Variants in GALNT10 observed in about 807,000 individuals in gnomAD.
GALNT10 encodes the protein GalNAc transferase 10.
A neutral mutation model predicts 75.0 loss-of-function variants in GALNT10; 41 were observed. The observed-to-expected ratio is 0.55, with a 90% CI of 0.43 to 0.71. GALNT10 has a LOEUF of 0.71. GALNT10 is among the 30% of genes least tolerant of loss of function. GALNT10 has a pLI of 0.00. For synonymous variants in GALNT10, 302 were observed against 313.0 expected, an observed-to-expected ratio of 0.96 and a Z score of 0.37; for missense variants, 727 against 818.5, an observed-to-expected ratio of 0.89 and a Z score of 1.36.
intron 1 of GALNT10, among the ~76,000 whole-genome samples, chr5:154,196,762 G>A (rs140381631): frequency 8.5e-4 from 129 of 152,260 alleles, no homozygotes; most frequent in Admixed American, 2.3e-3. Flanking sequence ...TGAACCATTC[G>A]CAGATTTCAG....
At chr5:154,210,376 A>G (rs920369029) in intron 1 of GALNT10, among the ~76,000 whole-genome samples, 38 of 122,684 alleles carry the variant, frequency 3.1e-4, no homozygotes, top group Admixed American at 2.9e-4. Flanking sequence ...GCATGCACAC[A>G]CACATGCATA....
intron 1 of GALNT10, among the ~76,000 whole-genome samples, chr5:154,201,746 T>C (rs1775031374): frequency 6.6e-6 from 1 of 151,960 alleles, no homozygotes; most frequent in Admixed American, 6.6e-5. Flanking sequence ...CTGGCCAACA[T>C]GGTAAAACCC....
At chr5:154,329,813 C>A in intron 4 of GALNT10, 75 bp downstream of exon 4, 1 of 1,051,322 alleles carries the variant, frequency 9.5e-7, no homozygotes. Flanking sequence ...GCAGGTTTTC[C>A]CTTCTTTAGC....
chr5:154,204,240 T>C lies in GALNT10; in HGVS notation c.159+13215T>C, dbSNP rs141646573. Reference sequence around the variant, plus strand: ...TAAGGATCCCTCCAGCTTTTGATACTCAGTGAGGCCCTGAATTCTCTGCTG... The same window carrying C: ...TAAGGATCCCTCCAGCTTTTGATACCCAGTGAGGCCCTGAATTCTCTGCTG... On this transcript the variant is annotated intron_variant, in intron 1 of 11. Transcript: ENST00000297107. 1.0e-3 allele frequency among the ~76,000 whole-genome samples: 158 copies of C among 152,298 alleles called. 1 individual carries two copies. The highest frequency in any genetic ancestry group is 3.6e-3 in the African/African-American group (151 of 41,572).
At chr5:154,369,200 C>T (rs1003397460) in intron 4 of GALNT10, among the ~76,000 whole-genome samples, 14 of 152,026 alleles carry the variant, frequency 9.2e-5, no homozygotes, top group African/African-American at 1.7e-4. Context: ...CCAGCCTGGC[C>T]GACGTGGCGA....
chr5:154,190,881 G>C lies in GALNT10; in HGVS notation c.15G>C (p.Glu5Asp), dbSNP rs1264426885. MRRKEKRLLQAVALV... is the reference protein window; with the variant it reads MRRKDKRLLQAVALV... The stretch of plus-strand genomic sequence containing the variant: ...GACCGGCCCCGATGAGGCGGAAGGA[G>C]AAGCGGCTCCTGCAGGCGGTGGCGC... Residue 5 changes from glutamate (E) to aspartate (D), a missense_variant, in exon 1 of 12, where the codon GAG (glutamate) becomes GAC (aspartate). Glu to Asp is a conservative substitution (Grantham distance 45). Coordinates refer to ENST00000297107, the MANE Select transcript of GALNT10 (RefSeq NM_198321.4). The C allele has an allele frequency of 2.8e-6, 4 of 1,434,618 alleles. No homozygotes were observed. The highest frequency in any genetic ancestry group is 3.7e-6 in the Non-Finnish European group (4 of 1,088,314). The allele number at this position is 1,434,618 out of a possible 1,614,324, so 88.9% of individuals were successfully genotyped here.
chr5:154,252,049 T>C (rs1364677177), intron 1 of GALNT10, among the ~76,000 whole-genome samples: 1 of 152,106 alleles, frequency 6.6e-6, no homozygotes, highest in Non-Finnish European at 1.5e-5. Context: ...ATACAGGAGG[T>C]AGTAGAATTA....
intron 7 of GALNT10, among the ~76,000 whole-genome samples, chr5:154,400,638 A>G (rs192547613): frequency 1.3e-5 from 2 of 152,300 alleles, no homozygotes; most frequent in East Asian, 1.9e-4. Context: ...AATCCTGTGA[A>G]TAATTAATAT....
At chr5:154,406,872 T>TTTGA (rs1756293046) in intron 8 of GALNT10, among the ~76,000 whole-genome samples, 1 of 152,078 alleles carries the variant, frequency 6.6e-6, no homozygotes. Context: ...AGATGATCAT[T>TTTGA]TTGATAGATT....
chr5:154,253,706 CTTTTTTT>C (rs33933907), intron 1 of GALNT10, among the ~76,000 whole-genome samples: 1 of 72,668 alleles, frequency 1.4e-5, no homozygotes, highest in Admixed American at 1.4e-4. Flanking sequence ...AAAGCCTCCT[CTTTTTTT>C]TTTTTTTTTT....
rs1402905280 is a variant in GALNT10 at position 154,297,978 on chromosome 5, T to C, written c.300T>C (p.Asp100=). The change falls in exon 3 of 12, where the codon GAT becomes GAC. Residue 100 remains aspartate, a synonymous_variant. Transcript: ENST00000297107. The part of the protein sequence containing the change: ...GEQGRPYPMT[D]AERVDQAYRE... ...AAGGAAGACCTTACCCCATGACCGA[T>C]GCTGAGAGAGTGGATCAGGCATACC... 2 of 1,613,944 alleles carry C rather than the reference T, an allele frequency of 1.2e-6. No homozygotes were observed. Among genetic ancestry groups the C allele is most frequent in the East Asian group, 4.5e-5 (2 of 44,872 alleles).
chr5:154,218,705 C>T (rs1752921485), intron 1 of GALNT10, among the ~76,000 whole-genome samples: 1 of 152,080 alleles, frequency 6.6e-6, no homozygotes, highest in Admixed American at 6.5e-5. Context: ...GTCTGAGAAG[C>T]AAGCAGCCCA....
chr5:154,415,860 T>C lies in GALNT10; in HGVS notation c.1581T>C (p.Ile527=). The C allele has an allele frequency of 1.2e-6, 2 of 1,614,096 alleles. No homozygotes were observed. Among genetic ancestry groups the C allele is most frequent in the East Asian group, 4.5e-5 (2 of 44,866 alleles). The change falls in exon 11 of 12, where the codon ATT becomes ATC. Residue 527 remains isoleucine (I), a synonymous_variant. Coordinates refer to ENST00000297107, the MANE Select transcript of GALNT10 (RefSeq NM_198321.4). ...CCAAGAAGTTCTGCTTTGATGCCAT[T>C]TCCCACACCAGCCCTGTCACGCTGT... The part of the protein sequence containing the change: ...QHTKKFCFDA[I]SHTSPVTLYD...
intron 3 of GALNT10, among the ~76,000 whole-genome samples, chr5:154,322,534 A>G (rs1379616785): frequency 6.6e-6 from 1 of 152,064 alleles, no homozygotes; most frequent in Non-Finnish European, 1.5e-5. Context: ...TTTGCTACAT[A>G]AGGTACACAT....
intron 1 of GALNT10, among the ~76,000 whole-genome samples, chr5:154,191,565 C>T (rs139543053): frequency 1.9e-3 from 296 of 152,214 alleles, no homozygotes; most frequent in African/African-American, 6.9e-3. Context: ...TCAACACCCC[C>T]GCCCCAACTC....
At chr5:154,280,932 T>C (rs1221191679) in intron 1 of GALNT10, among the ~76,000 whole-genome samples, 2 of 152,238 alleles carry the variant, frequency 1.3e-5, no homozygotes, top group Non-Finnish European at 2.9e-5. Flanking sequence ...AACAACTGAA[T>C]GCATATAGTT....
intron 1 of GALNT10, among the ~76,000 whole-genome samples, chr5:154,266,774 CAA>C (rs1753780684): frequency 6.6e-6 from 1 of 152,042 alleles, no homozygotes; most frequent in Non-Finnish European, 1.5e-5. Flanking sequence ...CCTAGCCACA[CAA>C]GAGACTGAGG....
intron 1 of GALNT10, among the ~76,000 whole-genome samples, chr5:154,290,171 A>T (rs7723386): frequency 0.31 from 45,827 of 148,366 alleles, 8,565 homozygotes; most frequent in East Asian, 0.67. Context: ...GGCTCACCAC[A>T]ACCTCTGCTT....
chr5:154,354,246 G>C (rs1383731890), intron 4 of GALNT10, among the ~76,000 whole-genome samples: 2 of 152,190 alleles, frequency 1.3e-5, no homozygotes, highest in African/African-American at 4.8e-5. Context: ...CTAGAAAACA[G>C]AGACTAAGGC....
Sources: gnomAD v4.1 joint callset for allele counts (sites outside exome capture counted in the v4.1 genomes callset) on GRCh38, gnomAD v4.1.1 for gene constraint, MANE v1.5 for transcripts, NCBI Gene and HGNC (gene_info 2026-07-23, HGNC 2026-07-21) for gene names.